Variants in GNG12 observed in about 807,000 individuals in gnomAD.
GNG12 encodes G protein subunit gamma 12, also known as guanine nucleotide-binding protein G(I)/G(S)/G(O) subunit gamma-12.
For synonymous variants in GNG12, 28 were observed against 29.7 expected (o/e 0.94, Z 0.19); for missense variants, 69 against 83.8 (o/e 0.82, Z 0.69).
rs1326246844 is a variant in GNG12, at chr1:67,701,764, CTGTT to C, written c.*3683_*3686del. On this transcript the variant is annotated 3_prime_UTR_variant, in exon 4 of 4. Transcript: ENST00000370982. ...ATTTACTAAGACATCAAGAGAATAT[CTGTT>C]TGTAGTTACATGGCTAAAAACAAGA... 1.3e-5 allele frequency: 2 copies of C among 152,588 alleles called. No individual in the cohort carries two copies. The highest frequency in any genetic ancestry group is 2.9e-5 in the Non-Finnish European group (2 of 68,036). 9.5% of individuals were successfully genotyped at this position (152,588 alleles called of 1,614,324 possible).
intron 1 of GNG12, among the ~76,000 whole-genome samples, chr1:67,799,674 G>A (rs913347275): frequency 6.6e-6 from 1 of 151,988 alleles, no homozygotes; most frequent in Non-Finnish European, 1.5e-5. Flanking sequence ...AGCTTAATCT[G>A]ATATATACTG....
chr1:67,724,352 T>C (rs1177170241), intron 2 of GNG12, among the ~76,000 whole-genome samples: 2 of 152,156 alleles, frequency 1.3e-5, no homozygotes, highest in South Asian at 2.1e-4. Flanking sequence ...AGATATTATA[T>C]TGAACAAAAA....
intron 2 of GNG12, among the ~76,000 whole-genome samples, chr1:67,752,835 A>G (rs941538635): frequency 6.6e-6 from 1 of 152,220 alleles, no homozygotes; most frequent in African/African-American, 2.4e-5. Flanking sequence ...AATATGGGAT[A>G]TCATCCATTG....
chr1:67,709,892 ATATATATATTTT>A lies in GNG12; in HGVS notation c.-26-2192_-26-2181del, dbSNP rs1472982201. Among the ~76,000 whole-genome samples, 155 of 113,124 alleles carry A rather than the reference ATATATATATTTT, an allele frequency of 1.4e-3. 6 individuals are homozygous for A. The highest frequency in any genetic ancestry group is 5.5e-3 in the African/African-American group (144 of 26,264). 74.2% of individuals were successfully genotyped at this position (113,124 alleles called of 152,430 possible). On this transcript the variant is annotated intron_variant, in intron 2 of 3. Transcript: ENST00000370982. ...TATATATATATTTATATATATAGTT[ATATATATATTTT>A]TATATAGTTATATATATAGTTATAT...
intron 2 of GNG12, among the ~76,000 whole-genome samples, chr1:67,708,056 T>A (rs535386739): frequency 6.6e-6 from 1 of 152,366 alleles, no homozygotes; most frequent in South Asian, 2.1e-4. Flanking sequence ...GTGGCAAAAG[T>A]GAGCATTTGC....
chr1:67,806,456 C>G (rs1646894881), intron 1 of GNG12, among the ~76,000 whole-genome samples: 1 of 151,900 alleles, frequency 6.6e-6, no homozygotes, highest in African/African-American at 2.4e-5. Context: ...ATATGGAGGG[C>G]CAACTTTCCA....
chr1:67,791,744 T>G lies in GNG12; in HGVS notation c.-76-14237A>C, dbSNP rs117034478. On this transcript the variant is annotated intron_variant, in intron 1 of 3. Coordinates refer to ENST00000370982, the MANE Select transcript of GNG12 (RefSeq NM_018841.6). The stretch of plus-strand genomic sequence containing the variant: ...CGCCTGGATGACTTAAAGAGTTCCC[T>G]CTGCTGATCTGGGCTTCACACTTGC... 1.1e-4 allele frequency among the ~76,000 whole-genome samples: 16 copies of G among 152,270 alleles called. 1 individual carries two copies. The East Asian group carries it at 3.1e-3, about 29-fold the overall frequency.
At chr1:67,720,970 A>G (rs1252325934) in intron 2 of GNG12, among the ~76,000 whole-genome samples, 5 of 152,190 alleles carry the variant, frequency 3.3e-5, no homozygotes, top group Admixed American at 1.3e-4. Flanking sequence ...AGTTAGTTTT[A>G]TTAACCCATT....
At chr1:67,736,046 CG>C (rs972113474) in intron 2 of GNG12, among the ~76,000 whole-genome samples, 2 of 152,054 alleles carry the variant, frequency 1.3e-5, no homozygotes, top group African/African-American at 4.8e-5. Context: ...CACTTTCTTG[CG>C]GGGGGTAGAT....
chr1:67,772,135 A>G lies in GNG12; in HGVS notation c.-27+5323T>C, dbSNP rs75726548. On this transcript the variant is annotated intron_variant, in intron 2 of 3. Coordinates refer to ENST00000370982, the MANE Select transcript of GNG12 (RefSeq NM_018841.6). ...GGTAGGCATGGAGTCCTGTGACATAATGATGGAAAACATAATCCTTTCTCC... is the reference window on the plus strand; with the variant it reads ...GGTAGGCATGGAGTCCTGTGACATAGTGATGGAAAACATAATCCTTTCTCC... Among the ~76,000 whole-genome samples the G allele has an allele frequency of 5.7e-3, 865 of 152,338 alleles. 7 individuals carry two copies. Among genetic ancestry groups the G allele is most frequent in the Non-Finnish European group, 6.3e-3 (432 of 68,034 alleles).
chr1:67,797,075 C>T (rs1646835538), intron 1 of GNG12, among the ~76,000 whole-genome samples: 1 of 152,146 alleles, frequency 6.6e-6, no homozygotes, highest in Non-Finnish European at 1.5e-5. Context: ...CAAACATCTC[C>T]CTCTAGGCCC....
At chr1:67,790,477 A>C (rs1646795310) in intron 1 of GNG12, among the ~76,000 whole-genome samples, 1 of 152,214 alleles carries the variant, frequency 6.6e-6, no homozygotes, top group Non-Finnish European at 1.5e-5. Flanking sequence ...GCATTCAATA[A>C]CGTTCTATCT....
chr1:67,714,250 G>T (rs1369143743), intron 2 of GNG12, among the ~76,000 whole-genome samples: 3 of 152,184 alleles, frequency 2.0e-5, no homozygotes, highest in Non-Finnish European at 4.4e-5. Flanking sequence ...AGCATTTGCT[G>T]GTACACCTGC....
At chr1:67,825,511 A>T (rs1647006125) in intron 1 of GNG12, among the ~76,000 whole-genome samples, 2 of 152,232 alleles carry the variant, frequency 1.3e-5, no homozygotes, top group Non-Finnish European at 2.9e-5. Flanking sequence ...CAGGCTTTCT[A>T]AAGGATCAAC....
At chr1:67,794,281 A>G (rs1428347935) in intron 1 of GNG12, among the ~76,000 whole-genome samples, 2 of 152,064 alleles carry the variant, frequency 1.3e-5, no homozygotes, top group Non-Finnish European at 2.9e-5. Context: ...AGCTCAGGAG[A>G]GATGGGAGCT....
chr1:67,809,523 A>T (rs1646911308), intron 1 of GNG12, among the ~76,000 whole-genome samples: 1 of 152,226 alleles, frequency 6.6e-6, no homozygotes, highest in South Asian at 2.1e-4. Flanking sequence ...TATTTGCAGA[A>T]GACACTTCTG....
chr1:67,809,710 A>G (rs1646912681), intron 1 of GNG12, among the ~76,000 whole-genome samples: 1 of 152,144 alleles, frequency 6.6e-6, no homozygotes, highest in Non-Finnish European at 1.5e-5. Context: ...GGGAATTACA[A>G]ACGAAAACAA....
chr1:67,707,556 G>T, intron 3 of GNG12, 38 bp downstream of exon 3: 1 of 1,063,484 alleles, frequency 9.4e-7, no homozygotes, highest in Non-Finnish European at 1.5e-6. Flanking sequence ...AGGGGGAACT[G>T]AGCAGAAAGC....
chr1:67,826,407 G>C (rs1647011099), intron 1 of GNG12, among the ~76,000 whole-genome samples: 3 of 152,196 alleles, frequency 2.0e-5, no homozygotes, highest in South Asian at 4.1e-4. Context: ...TTTGTGCAGT[G>C]AACAACCTGT....
Sources: allele counts gnomAD v4.1 joint callset (sites outside exome capture counted in the v4.1 genomes callset), GRCh38; gene constraint gnomAD v4.1.1; transcripts MANE v1.5; gene names NCBI Gene and HGNC (gene_info 2026-07-23, HGNC 2026-07-21).